The following RAI2 variants were observed in gnomAD, a reference collection of about 807,000 sequenced individuals.
The protein encoded by RAI2 is retinoic acid-induced protein 2.
Under a neutral mutation model 15.3 loss-of-function variants are expected in RAI2, and 5 were observed. The ratio of observed to expected loss-of-function variants is 0.33; its 90% CI spans 0.17 to 0.69. The LOEUF is 0.69. Among genes scored for constraint, RAI2 ranks in the 30% least tolerant of loss-of-function variants. The pLI is 0.69. For missense variants in RAI2, 424 were observed against 424.7 expected (o/e 1.00, Z 0.01); for synonymous variants, 191 against 184.0 (o/e 1.04, Z -0.31).
chrX:17,832,395 C>A (rs2067291771), intron 1 of RAI2, among the ~76,000 whole-genome samples: 1 of 111,981 alleles, frequency 8.9e-6, no homozygotes, highest in African/African-American at 3.3e-5. Flanking sequence ...CCTGTCGCAC[C>A]TGTACATACA....
chrX:17,848,753 C>T (rs935091890), intron 1 of RAI2, among the ~76,000 whole-genome samples: 9 of 111,788 alleles, frequency 8.1e-5, no homozygotes, highest in Non-Finnish European at 1.3e-4. Flanking sequence ...ATCTGTCTGT[C>T]TCACTCTTTC....
intron 1 of RAI2, among the ~76,000 whole-genome samples, chrX:17,830,639 C>T (rs73447833): frequency 9.0e-6 from 1 of 111,046 alleles, no homozygotes; most frequent in Admixed American, 9.6e-5. Flanking sequence ...CAAAGGAAGG[C>T]ATGGTCAAAC....
intron 1 of RAI2, among the ~76,000 whole-genome samples, chrX:17,803,681 G>T (rs1046274978): frequency 8.9e-6 from 1 of 112,372 alleles, no homozygotes; most frequent in African/African-American, 3.2e-5. Flanking sequence ...AGGAGGAGAA[G>T]GGGGGAGGGA....
intron 1 of RAI2, among the ~76,000 whole-genome samples, chrX:17,803,165 T>C (rs1344387100): frequency 9.0e-6 from 1 of 110,992 alleles, no homozygotes; most frequent in African/African-American, 3.3e-5. Context: ...CCTCCTCTCC[T>C]CACCCCGAAA....
chrX:17,860,228 G>A (rs762543472), intron 1 of RAI2, among the ~76,000 whole-genome samples: 38 of 112,287 alleles, frequency 3.4e-4, no homozygotes, highest in African/African-American at 1.2e-3. Flanking sequence ...AACTGTGGTG[G>A]GATGCCATTT....
intron 1 of RAI2, among the ~76,000 whole-genome samples, chrX:17,821,540 GTGTGTGTGTGTGTT>G (rs765164281): frequency 2.7e-5 from 3 of 109,747 alleles, no homozygotes; most frequent in Non-Finnish European, 3.8e-5. Flanking sequence ...CTCTAAGGAG[GTGTGTGTGTGTGTT>G]TGTGTGTGTG....
chrX:17,818,641 G>A lies in RAI2; in HGVS notation c.-24-16607C>T, dbSNP rs1312467533. 2.7e-5 allele frequency among the ~76,000 whole-genome samples: 3 copies of A among 112,349 alleles called. No homozygotes were observed. The Admixed American group carries it at 2.8e-4, about 11-fold the overall frequency. On this transcript the variant is annotated intron_variant, in intron 1 of 1. Transcript: ENST00000451717. ...GAAATATTTTAGAGGCAGGCTTCAC[G>A]CTTGTGAGGACATGGTTGGAGAATC...
chrX:17,856,124 T>C (rs776487817), intron 1 of RAI2, among the ~76,000 whole-genome samples: 2 of 112,244 alleles, frequency 1.8e-5, no homozygotes, highest in Admixed American at 9.4e-5. Flanking sequence ...CAAAGTTCTC[T>C]AGAATTACTG....
At chrX:17,860,667 G>A (rs2067676720) in intron 1 of RAI2, 2 of 112,283 alleles carry the variant, frequency 1.8e-5, no homozygotes, top group Admixed American at 1.8e-4. Context: ...TTTCCGGGCC[G>A]GGGCAGAACG....
At chrX:17,849,724 G>T (rs1464174475) in intron 1 of RAI2, among the ~76,000 whole-genome samples, 1 of 112,413 alleles carries the variant, frequency 8.9e-6, no homozygotes, top group Non-Finnish European at 1.9e-5. Flanking sequence ...TTGGGTAAGT[G>T]GCTCAGTTCT....
intron 1 of RAI2, among the ~76,000 whole-genome samples, chrX:17,826,325 C>T (rs750723872): frequency 9.0e-6 from 1 of 111,200 alleles, no homozygotes; most frequent in Non-Finnish European, 1.9e-5. Context: ...ATATCAGTCT[C>T]GGTGTGTCTT....
At chrX:17,805,067 T>C (rs143616720) in intron 1 of RAI2, among the ~76,000 whole-genome samples, 1,889 of 112,618 alleles carry the variant, frequency 0.017, 49 homozygotes, top group African/African-American at 0.056. Context: ...TTATGCCCAT[T>C]TTGTTGGTGG....
chrX:17,812,731 T>C (rs1364118444), intron 1 of RAI2, among the ~76,000 whole-genome samples: 1 of 111,286 alleles, frequency 9.0e-6, no homozygotes, highest in African/African-American at 3.3e-5. Flanking sequence ...CACAAAAACA[T>C]GGAAGAAGTG....
intron 1 of RAI2, among the ~76,000 whole-genome samples, chrX:17,857,512 T>C (rs1370270154): frequency 2.7e-5 from 3 of 111,984 alleles, no homozygotes; most frequent in Admixed American, 9.4e-5. Flanking sequence ...GTTAGTTGCT[T>C]AACCTTTCTG....
Position 17,800,847 on chromosome X carries a change from A to G in RAI2, c.1164T>C (p.Pro388=), listed in dbSNP as rs759134635. 103 of 1,209,614 alleles carry G rather than the reference A, an allele frequency of 8.5e-5. No homozygotes were observed. The highest frequency in any genetic ancestry group is 1.6e-5 in the Non-Finnish European group (14 of 895,095). Residue 388 remains proline, a synonymous_variant, in exon 2 of 2, where the codon CCT becomes CCC. Coordinates refer to ENST00000451717, the MANE Select transcript of RAI2 (RefSeq NM_021785.6). ...TGGCTGGGGCCTCATGGGACGTGGC[A>G]GGGGCAAAAGAAATTTCCATGCCAC... ...LPSGMEISFA[P]ATSHEAPAMM...
intron 1 of RAI2, among the ~76,000 whole-genome samples, chrX:17,803,400 C>T (rs1285186985): frequency 4.5e-5 from 5 of 110,324 alleles, no homozygotes; most frequent in Non-Finnish European, 9.5e-5. Flanking sequence ...ATGTCGCACG[C>T]CTGTAGTCCC....
intron 1 of RAI2, among the ~76,000 whole-genome samples, chrX:17,855,055 T>C (rs1359569563): frequency 8.9e-6 from 1 of 112,130 alleles, no homozygotes; most frequent in Non-Finnish European, 1.9e-5. Context: ...AAATCCTTCT[T>C]CTACCTCCCT....
intron 1 of RAI2, 68 bp downstream of exon 1, chrX:17,861,030 C>T (rs2067683780): frequency 9.4e-6 from 1 of 106,238 alleles, no homozygotes; most frequent in Non-Finnish European, 2.0e-5. Context: ...CCCCTGCGTC[C>T]CGGTGGCAGC....
chrX:17,826,125 C>A (rs983792214), intron 1 of RAI2, among the ~76,000 whole-genome samples: 1 of 112,936 alleles, frequency 8.9e-6, no homozygotes, highest in East Asian at 2.8e-4. Context: ...CCACTTTAAC[C>A]CATTCCAAGA....
Sources: allele counts gnomAD v4.1 joint callset (sites outside exome capture counted in the v4.1 genomes callset), GRCh38; gene constraint gnomAD v4.1.1; transcripts MANE v1.5; gene names NCBI Gene and HGNC (gene_info 2026-07-23, HGNC 2026-07-21).